The following VRK2 variants were observed in gnomAD, a reference collection of about 807,000 sequenced individuals.
VRK2 encodes the protein serine/threonine-protein kinase VRK2.
Under a neutral mutation model 57.6 loss-of-function variants are expected in VRK2, and 60 were observed. That is an observed-to-expected ratio of 1.04 (90% confidence interval 0.85 to 1.29). The LOEUF (loss-of-function observed/expected upper bound fraction) is 1.29. VRK2 is among the 50% of genes most tolerant of loss of function. The pLI, the probability that VRK2 is intolerant of heterozygous loss-of-function variation, is 0.00. For missense variants in VRK2, 705 were observed against 588.1 expected (o/e 1.20, Z -2.06); for synonymous variants, 231 against 199.2 (o/e 1.16, Z -1.35).
At chr2:58,057,463 G>A (rs977239626) in intron 2 of VRK2, among the ~76,000 whole-genome samples, 1 of 151,788 alleles carries the variant, frequency 6.6e-6, no homozygotes, top group African/African-American at 2.4e-5. Flanking sequence ...TATGGAGAGG[G>A]GACTAAAAAA....
rs1364669336 is a variant in VRK2, at chr2:58,135,140, G to A, written c.798-1G>A. The A allele has an allele frequency of 6.2e-7, 1 of 1,613,854 alleles. No homozygotes were observed. Among genetic ancestry groups the A allele is most frequent in the African/African-American group, 1.3e-5 (1 of 74,894 alleles). Reference sequence around the variant, plus strand: ...TTGTGCATTACCTTATTTTGTTTTAGTCTGTTGGACGAGCTCCCCCAGTCA... The same window carrying A: ...TTGTGCATTACCTTATTTTGTTTTAATCTGTTGGACGAGCTCCCCCAGTCA... On this transcript the variant is annotated splice_acceptor_variant, in intron 9 of 12. Transcript: ENST00000340157. LOFTEE classifies it high-confidence loss of function.
intron 1 of VRK2, among the ~76,000 whole-genome samples, chr2:57,982,337 TG>T (rs1476776517): frequency 1.3e-5 from 2 of 151,980 alleles, no homozygotes; most frequent in Non-Finnish European, 2.9e-5. Context: ...GGGCGGAGGG[TG>T]GCATTGAGTC....
At chr2:58,047,541 CT>C in intron 1 of VRK2, 2 of 742,676 alleles carry the variant, frequency 2.7e-6, no homozygotes, top group Non-Finnish European at 3.3e-6. Flanking sequence ...GTGTATTTAT[CT>C]TTTTTATAAT....
intron 1 of VRK2, among the ~76,000 whole-genome samples, chr2:57,935,580 C>A (rs911729854): frequency 2.0e-5 from 3 of 151,916 alleles, no homozygotes; most frequent in Non-Finnish European, 4.4e-5. Context: ...CTTGTGGGTC[C>A]GGAGGTAAAA....
In VRK2 at chr2:58,006,313, A is replaced by G. The variant is rs149066192; in HGVS notation, c.-438-19352A>G. On this transcript the variant is annotated intron_variant, in intron 1 of 15. Transcript: ENST00000417641. Reference sequence around the variant, plus strand: ...GGGATTTTAAAAGTTTGTTTGGTGGAAAGTGAAGAATGGACCAAAAGGTGG... The same window carrying G: ...GGGATTTTAAAAGTTTGTTTGGTGGGAAGTGAAGAATGGACCAAAAGGTGG... Among the ~76,000 whole-genome samples, 111 of 152,298 alleles carry G rather than the reference A, an allele frequency of 7.3e-4. 1 individual carries two copies. The highest frequency in any genetic ancestry group is 1.2e-3 in the Non-Finnish European group (85 of 68,024).
chr2:58,051,258 C>T (rs564846780), intron 2 of VRK2, among the ~76,000 whole-genome samples: 1 of 152,150 alleles, frequency 6.6e-6, no homozygotes, highest in East Asian at 1.9e-4. Context: ...TGGACCCTAC[C>T]TAGGAAGATT....
At chr2:57,935,350 T>C (rs1670870678) in intron 1 of VRK2, among the ~76,000 whole-genome samples, 1 of 152,198 alleles carries the variant, frequency 6.6e-6, no homozygotes, top group Non-Finnish European at 1.5e-5. Context: ...TAAGACTGTA[T>C]GCCTTCTTCC....
intron 1 of VRK2, among the ~76,000 whole-genome samples, chr2:58,008,007 T>C (rs11890639): frequency 0.086 from 13,092 of 151,690 alleles, 1,982 homozygotes; most frequent in African/African-American, 0.3. Context: ...GAAGAAAAAA[T>C]AAGAATGTAG....
At chr2:58,085,645 A>C (rs954803488) in intron 4 of VRK2, among the ~76,000 whole-genome samples, 2 of 152,010 alleles carry the variant, frequency 1.3e-5, no homozygotes, top group Admixed American at 1.3e-4. Flanking sequence ...TCTGACCTCA[A>C]TATTTAACTT....
At chr2:57,964,695 G>A (rs1671859921) in intron 1 of VRK2, among the ~76,000 whole-genome samples, 2 of 152,072 alleles carry the variant, frequency 1.3e-5, no homozygotes, top group South Asian at 4.2e-4. Context: ...AGACCAGCCT[G>A]GCCAATATGG....
At chr2:58,069,231 A>C (rs906758934) in intron 2 of VRK2, among the ~76,000 whole-genome samples, 2 of 152,186 alleles carry the variant, frequency 1.3e-5, no homozygotes, top group Non-Finnish European at 2.9e-5. Flanking sequence ...TTTGGGGTAC[A>C]GTGTTCGTTT....
At chr2:58,139,619 A>G (rs746848642) in intron 10 of VRK2, 47 bp from the exon 11 acceptor site, 7 of 1,557,640 alleles carry the variant, frequency 4.5e-6, no homozygotes, top group African/African-American at 4.1e-5. Context: ...AGTCTTGACA[A>G]TTCTTGCCAA....
chr2:58,139,958 G>A, intron 11 of VRK2, 126 bp downstream of exon 11: 1 of 986,042 alleles, frequency 1.0e-6, no homozygotes, highest in South Asian at 2.0e-5. Flanking sequence ...CTCCCATTTT[G>A]CCTAACTCAG....
At position 58,146,325 on chromosome 2, in the gene VRK2, C is replaced by G; in HGVS notation, c.1033C>G (p.Gln345Glu). ...TACTCTATACCAACAGGTTGATTCA[C>G]AAAAGGCTGCAACAAAGCAAGTCAA... ...HTPNSQKVDS[Q>E]KAATKQVNKA... The change falls in exon 12 of 13, where the codon CAA (glutamine) becomes GAA (glutamate). Residue 345 changes from glutamine (Q) to glutamate (E), a missense_variant. Physicochemically the swap from Gln to Glu is conservative, Grantham distance 29 (BLOSUM62 2). Transcript: ENST00000340157. 1.2e-6 allele frequency: 2 copies of G among 1,608,152 alleles called. No individual in the cohort carries two copies. The highest frequency in any genetic ancestry group is 1.7e-6 in the Non-Finnish European group (2 of 1,176,802).
intron 2 of VRK2, among the ~76,000 whole-genome samples, chr2:58,067,990 C>T (rs1668854789): frequency 6.6e-6 from 1 of 151,258 alleles, no homozygotes; most frequent in South Asian, 2.1e-4. Flanking sequence ...AGTGCAGTGG[C>T]ACAATCTTGG....
chr2:57,956,366 C>T (rs1671586960), intron 1 of VRK2, among the ~76,000 whole-genome samples: 1 of 151,430 alleles, frequency 6.6e-6, no homozygotes, highest in Admixed American at 6.6e-5. Context: ...GCCTGAGTAA[C>T]AGAGTGAGAC....
At chr2:58,040,181 T>A (rs577605648) in intron 3 of VRK2, among the ~76,000 whole-genome samples, 4 of 152,256 alleles carry the variant, frequency 2.6e-5, no homozygotes, top group Non-Finnish European at 5.9e-5. Context: ...TATTGGTATA[T>A]CTTAAGGAAT....
intron 1 of VRK2, among the ~76,000 whole-genome samples, chr2:57,967,474 T>C (rs889975670): frequency 1.1e-4 from 17 of 152,224 alleles, no homozygotes; most frequent in Admixed American, 1.0e-3. Context: ...GTTTTTAACA[T>C]TCAGTACTAA....
chr2:58,074,277 T>G (rs1439701848), intron 2 of VRK2, among the ~76,000 whole-genome samples: 3 of 152,140 alleles, frequency 2.0e-5, no homozygotes, highest in Admixed American at 1.3e-4. Context: ...ATTTAGATCA[T>G]TAACATTTAA....
Sources: gnomAD v4.1 joint callset for allele counts (sites outside exome capture counted in the v4.1 genomes callset) on GRCh38, gnomAD v4.1.1 for gene constraint, MANE v1.5 for transcripts, NCBI Gene and HGNC (gene_info 2026-07-23, HGNC 2026-07-21) for gene names.